The following BNIP3 variants were observed in gnomAD, a reference collection of about 807,000 sequenced individuals.
BNIP3 encodes the protein BCL2/adenovirus E1B 19 kDa protein-interacting protein 3.
A neutral mutation model predicts 23.9 loss-of-function variants in BNIP3; 16 were observed. The observed-to-expected ratio is 0.67, with a 90% confidence interval of 0.45 to 1.01. BNIP3 has a LOEUF of 1.01. Among genes scored for constraint, BNIP3 ranks in the 50% least tolerant of loss-of-function variants. BNIP3 has a pLI of 0.00. For synonymous variants in BNIP3, 81 were observed against 89.3 expected (o/e 0.91, Z 0.53); for missense variants, 198 against 248.7 (o/e 0.80, Z 1.37).
intron 1 of BNIP3, among the ~76,000 whole-genome samples, 177 bp downstream of exon 1, chr10:131,981,584 C>T (rs1475592560): frequency 1.3e-5 from 2 of 152,228 alleles, no homozygotes; most frequent in Admixed American, 6.5e-5. Flanking sequence ...GGTCCCCACG[C>T]CCCGGGCTCC....
chr10:131,967,844 C>A lies in BNIP3; in HGVS notation c.*680G>T, dbSNP rs537426265. The A allele has an allele frequency of 3.9e-5, 6 of 152,352 alleles. No homozygotes were observed. The highest frequency in any genetic ancestry group is 1.4e-4 in the African/African-American group (6 of 41,562). The allele number at this position is 152,352 out of a possible 1,614,324, so 9.4% of individuals were successfully genotyped here. On this transcript the variant is annotated 3_prime_UTR_variant, in exon 6 of 6. Coordinates refer to ENST00000368636, the MANE Select transcript of BNIP3 (RefSeq NM_004052.4). The stretch of plus-strand genomic sequence containing the variant: ...GCAGAGTGATAAAGAGGAAAAGATA[C>A]TGAGTAGGTGCCTTCAGCAGAAAAC...
rs987220554 is a variant in BNIP3 at position 131,970,274 on chromosome 10, A to G, written c.539+364T>C. The G allele has an allele frequency of 3.9e-6, 1 of 255,208 alleles. No individual in the cohort carries two copies. Among genetic ancestry groups the G allele is most frequent in the African/African-American group, 2.2e-5 (1 of 44,492 alleles). The allele number at this position is 255,208 out of a possible 1,614,324, so 15.8% of individuals were successfully genotyped here. On this transcript the variant is annotated intron_variant, in intron 5 of 5. Transcript: ENST00000368636. The surrounding 1 kb of genome is among the most constrained non-coding windows in gnomAD (Gnocchi z 4.1). ...GTACAGCAGGTAACTGAGACCCTCCACCTACAGCAGAGCTGGGTGCATTCC... is the reference window on the plus strand; with the variant it reads ...GTACAGCAGGTAACTGAGACCCTCCGCCTACAGCAGAGCTGGGTGCATTCC...
In BNIP3 at chr10:131,970,693, G is replaced by C. The variant is rs780736252; in HGVS notation, c.484C>G (p.Leu162Val). ...AGCAGAGATGGAAGGAAAACTTTCAGAAATTCTGCAGAGAATATGCCCCCT... is the reference window on the plus strand; with the variant it reads ...AGCAGAGATGGAAGGAAAACTTTCACAAATTCTGCAGAGAATATGCCCCCT... Reference protein sequence around the residue: ...KKGGIFSAEFLKVFLPSLLLS... With the variant: ...KKGGIFSAEFVKVFLPSLLLS... The change falls in exon 5 of 6, where the codon CTG becomes GTG. Residue 162 changes from leucine to valine, a missense_variant. Coordinates refer to ENST00000368636, the MANE Select transcript of BNIP3 (RefSeq NM_004052.4). This position sits in a 1 kb window ranked among gnomAD's most constrained non-coding sequence, Gnocchi z 4.1. 2 of 1,614,196 alleles carry C rather than the reference G, an allele frequency of 1.2e-6. No individual in the cohort carries two copies. The highest frequency in any genetic ancestry group is 1.7e-6 in the Non-Finnish European group (2 of 1,180,034).
intron 3 of BNIP3, among the ~76,000 whole-genome samples, chr10:131,971,749 C>T (rs907208065): frequency 6.6e-6 from 1 of 152,230 alleles, no homozygotes; most frequent in Non-Finnish European, 1.5e-5. Context: ...GCCCCAAGTG[C>T]CCAGGAGCAG....
chr10:131,975,416 A>G (rs899590997), intron 1 of BNIP3, among the ~76,000 whole-genome samples: 4 of 152,206 alleles, frequency 2.6e-5, no homozygotes, highest in African/African-American at 9.7e-5. Context: ...AAAGACAGGG[A>G]AACTTATGGA....
rs2037023945 is a variant in BNIP3, at chr10:131,970,766, C to T, written c.411G>A (p.Pro137=). The T allele has an allele frequency of 1.2e-6, 2 of 1,614,174 alleles. No homozygotes were observed. Among genetic ancestry groups the T allele is most frequent in the Non-Finnish European group, 1.7e-6 (2 of 1,180,020 alleles). ...TCATGCTGAGGGTGGCCGTGCGCTT[C>T]GGGTGTTTAAAGAGGAACTCCCTGA... The part of the protein sequence containing the change: ...IPPKEFLFKH[P]KRTATLSMRN... Residue 137 remains proline, a synonymous_variant, in exon 5 of 6, where the codon CCG becomes CCA. Coordinates refer to ENST00000368636, the MANE Select transcript of BNIP3 (RefSeq NM_004052.4). The surrounding 1 kb of genome is among the most constrained non-coding windows in gnomAD (Gnocchi z 4.1).
intron 5 of BNIP3, chr10:131,969,339 C>T (rs1447547887): frequency 1.3e-5 from 2 of 152,118 alleles, no homozygotes; most frequent in African/African-American, 4.8e-5. Context: ...AGGGCTTAAA[C>T]CTTGTATTTA....
In BNIP3 at chr10:131,973,946, G is replaced by C; in HGVS notation, c.47-3C>G. ...GAAGTGCAGTTCTACCCAGGAGCCTGATGGGGACAAAAAAAGGGGCGCAGA... is the reference window on the plus strand; with the variant it reads ...GAAGTGCAGTTCTACCCAGGAGCCTCATGGGGACAAAAAAAGGGGCGCAGA... On this transcript the variant is annotated splice_region_variant and splice_polypyrimidine_tract_variant and intron_variant, in intron 1 of 5. Transcript: ENST00000368636. 1 of 1,613,452 alleles carries C rather than the reference G, an allele frequency of 6.2e-7. No individual in the cohort carries two copies. The highest frequency in any genetic ancestry group is 8.5e-7 in the Non-Finnish European group (1 of 1,179,920).
chr10:131,973,685 C>T (rs553509902), intron 2 of BNIP3, 108 bp downstream of exon 2: 76 of 1,492,186 alleles, frequency 5.1e-5, no homozygotes, highest in South Asian at 6.4e-5. Context: ...CGGCCCGAGG[C>T]GAACAGCAGC....
At chr10:131,978,912 G>C (rs2037098553) in intron 1 of BNIP3, among the ~76,000 whole-genome samples, 1 of 148,810 alleles carries the variant, frequency 6.7e-6, no homozygotes, top group Non-Finnish European at 1.5e-5. Context: ...TACCTTTAAA[G>C]CTTCTCAGGT....
chr10:131,972,943 TTC>T (rs2037048302), intron 3 of BNIP3, 89 bp downstream of exon 3: 1 of 1,312,892 alleles, frequency 7.6e-7, no homozygotes, highest in South Asian at 1.3e-5. Context: ...AGCCCGACTT[TTC>T]TCTGAGGTGC....
Position 131,970,752 on chromosome 10 carries a change from G to A in BNIP3, c.425C>T (p.Thr142Ile). Residue 142 changes from threonine (T) to isoleucine (I), a missense_variant, in exon 5 of 6, where the codon ACC (threonine) becomes ATC (isoleucine). Transcript: ENST00000368636. This position sits in a 1 kb window ranked among gnomAD's most constrained non-coding sequence, Gnocchi z 4.1. ...FLFKHPKRTATLSMRNTSVMK... is the reference protein window; with the variant it reads ...FLFKHPKRTAILSMRNTSVMK... ...GACGCTCGTGTTCCTCATGCTGAGG[G>A]TGGCCGTGCGCTTCGGGTGTTTAAA... 1.9e-6 allele frequency: 3 copies of A among 1,614,210 alleles called. No homozygotes were observed. The highest frequency in any genetic ancestry group is 2.5e-6 in the Non-Finnish European group (3 of 1,180,052).
intron 1 of BNIP3, 41 bp downstream of exon 1, chr10:131,981,720 C>A (rs746723241): frequency 6.8e-6 from 10 of 1,462,434 alleles, no homozygotes; most frequent in East Asian, 6.0e-5. Context: ...AGGCTTCCCC[C>A]CCGCGCCCCC....
chr10:131,977,349 C>T (rs1454123257), intron 1 of BNIP3, among the ~76,000 whole-genome samples: 1 of 152,132 alleles, frequency 6.6e-6, no homozygotes, highest in Non-Finnish European at 1.5e-5. Context: ...AGGGTCAAGA[C>T]CAAACACATA....
chr10:131,981,396 G>A (rs2037117552), intron 1 of BNIP3: 3 of 330,826 alleles, frequency 9.1e-6, no homozygotes, highest in Non-Finnish European at 1.7e-5. Context: ...ACTACAGACC[G>A]CGGAGGGCAA....
chr10:131,973,524 T>A, intron 2 of BNIP3: 2 of 523,282 alleles, frequency 3.8e-6, no homozygotes, highest in Non-Finnish European at 6.8e-6. Context: ...GGCGCGTGAG[T>A]GCGTTTCTCA....
At chr10:131,969,772 C>G (rs2037007407) in intron 5 of BNIP3, 1 of 149,248 alleles carries the variant, frequency 6.7e-6, no homozygotes, top group African/African-American at 2.6e-5. Flanking sequence ...CTGGGACCAG[C>G]CCGAGGAGGA....
At chr10:131,969,786 G>T in intron 5 of BNIP3, 1 of 152,404 alleles carries the variant, frequency 6.6e-6, no homozygotes, top group Non-Finnish European at 1.5e-5. Flanking sequence ...AGGAGGAGCC[G>T]TTTTGGCTTC....
In BNIP3 at chr10:131,976,214, T is replaced by G. The variant is rs921506106; in HGVS notation, c.47-2271A>C. ...TTCAATTTACTTGACTAAAGTGTTG[T>G]TCAGCTATCTGACGATATGGAACAC... On this transcript the variant is annotated intron_variant, in intron 1 of 5. Coordinates refer to ENST00000368636, the MANE Select transcript of BNIP3 (RefSeq NM_004052.4). The surrounding 1 kb of genome is among the most constrained non-coding windows in gnomAD (Gnocchi z 4.3). Among the ~76,000 whole-genome samples, 9 of 152,218 alleles carry G rather than the reference T, an allele frequency of 5.9e-5. No individual in the cohort carries two copies. Among genetic ancestry groups the G allele is most frequent in the Admixed American group, 3.3e-4 (5 of 15,286 alleles).
Sources: gnomAD v4.1 joint callset for allele counts (sites outside exome capture counted in the v4.1 genomes callset) on GRCh38, gnomAD v4.1.1 for gene constraint, Gnocchi (gnomAD v3.1) non-coding constraint, MANE v1.5 for transcripts, NCBI Gene and HGNC (gene_info 2026-07-23, HGNC 2026-07-21) for gene names.